NRXN1: variants seen among roughly 807,000 people sequenced by gnomAD.
NRXN1 encodes neurexin-1.
NRXN1 carries 39 observed loss-of-function variants against 150.9 expected under a neutral mutation model. The observed-to-expected ratio is 0.26, with a 90% CI of 0.20 to 0.34. The LOEUF is 0.34. Ranked by LOEUF, NRXN1 falls within the 10% of genes least tolerant of loss-of-function variation. The pLI is 1.00. For synonymous variants in NRXN1, 924 were observed against 757.0 expected (o/e 1.22, Z -3.62); for missense variants, 1,815 against 1,949.9 (o/e 0.93, Z 1.30).
chr2:50,473,526 T>C (rs533202241), intron 15 of NRXN1, among the ~76,000 whole-genome samples: 1 of 152,188 alleles, frequency 6.6e-6, no homozygotes, highest in South Asian at 2.1e-4. Flanking sequence ...AATATGCTGC[T>C]ATAGCTCCAG....
At chr2:49,936,102 C>G (rs1383721758) in intron 22 of NRXN1, among the ~76,000 whole-genome samples, 1 of 152,226 alleles carries the variant, frequency 6.6e-6, no homozygotes, top group African/African-American at 2.4e-5. Context: ...CACTACTGAA[C>G]AGAGTTTTCT....
chr2:50,540,222 C>T (rs1462891656), intron 9 of NRXN1, among the ~76,000 whole-genome samples: 2 of 151,972 alleles, frequency 1.3e-5, no homozygotes, highest in African/African-American at 4.8e-5. Context: ...ATGAGGGGAG[C>T]AAAATAGAGA....
At chr2:50,511,824 G>A (rs2092463426) in intron 12 of NRXN1, among the ~76,000 whole-genome samples, 1 of 151,958 alleles carries the variant, frequency 6.6e-6, no homozygotes, top group African/African-American at 2.4e-5. Flanking sequence ...GTAGATTTTT[G>A]GCCATTTTAG....
intron 8 of NRXN1, among the ~76,000 whole-genome samples, chr2:50,595,259 T>C (rs2103862868): frequency 6.6e-6 from 1 of 152,170 alleles, no homozygotes; most frequent in South Asian, 2.1e-4. Context: ...AGAAAACATA[T>C]TCTGGGTTTT....
intron 2 of NRXN1, among the ~76,000 whole-genome samples, chr2:50,986,581 A>T (rs1697748057): frequency 6.6e-6 from 1 of 151,724 alleles, no homozygotes; most frequent in African/African-American, 2.4e-5. Flanking sequence ...TATCTAATAA[A>T]TTTTAAAAAG....
intron 18 of NRXN1, among the ~76,000 whole-genome samples, chr2:50,234,134 T>C (rs2065205545): frequency 6.6e-6 from 1 of 152,076 alleles, no homozygotes; most frequent in Non-Finnish European, 1.5e-5. Context: ...GGGAAAGTGC[T>C]GGAGGTAAAC....
intron 21 of NRXN1, among the ~76,000 whole-genome samples, chr2:50,042,271 C>T (rs1363298530): frequency 3.9e-5 from 6 of 152,040 alleles, no homozygotes; most frequent in Admixed American, 3.9e-4. Context: ...TCCCATAATC[C>T]CCATGTGCCA....
chr2:50,381,325 C>T (rs1403718821), intron 17 of NRXN1, among the ~76,000 whole-genome samples: 1 of 151,776 alleles, frequency 6.6e-6, no homozygotes, highest in East Asian at 1.9e-4. Flanking sequence ...GTGGTTTCAT[C>T]TTATATTGTG....
chr2:51,001,054 G>T (rs1300722481), intron 2 of NRXN1, among the ~76,000 whole-genome samples: 3 of 152,090 alleles, frequency 2.0e-5, no homozygotes, highest in East Asian at 1.9e-4. Context: ...TGTGGTGAAG[G>T]CTAAAGAGAA....
chr2:50,619,850 A>T (rs750902157), intron 8 of NRXN1, 172 bp downstream of exon 8: 1 of 488,608 alleles, frequency 2.0e-6, no homozygotes, highest in Non-Finnish European at 3.6e-6. Flanking sequence ...CTTCATAATG[A>T]TCTATGAGCT....
chr2:50,189,171 G>A (rs1387861997), intron 18 of NRXN1, among the ~76,000 whole-genome samples: 3 of 152,136 alleles, frequency 2.0e-5, no homozygotes. Flanking sequence ...TATACACAAT[G>A]GAATACTATG....
At chr2:50,273,770 A>T (rs977958241) in intron 17 of NRXN1, among the ~76,000 whole-genome samples, 3 of 152,134 alleles carry the variant, frequency 2.0e-5, no homozygotes, top group African/African-American at 7.2e-5. Flanking sequence ...AAAACATATG[A>T]AAAAAAGCTC....
intron 19 of NRXN1, among the ~76,000 whole-genome samples, chr2:50,060,719 A>G (rs1694395739): frequency 6.6e-6 from 1 of 152,200 alleles, no homozygotes; most frequent in Admixed American, 6.5e-5. Context: ...AAGTGTCATG[A>G]GACCTCATGG....
At chr2:50,181,176 T>C (rs1341278134) in intron 18 of NRXN1, among the ~76,000 whole-genome samples, 1 of 152,084 alleles carries the variant, frequency 6.6e-6, no homozygotes, top group Non-Finnish European at 1.5e-5. Flanking sequence ...CATGATGATA[T>C]TTACTAAAGG....
intron 17 of NRXN1, among the ~76,000 whole-genome samples, chr2:50,299,410 ATT>A (rs34923830): frequency 2.7e-4 from 37 of 134,682 alleles, no homozygotes; most frequent in African/African-American, 8.0e-4. Context: ...TCATTGTCCA[ATT>A]TTTTTTTTTT....
Position 50,347,022 on chromosome 2 carries a change from G to A in NRXN1, c.3365-110052C>T. 7.2e-7 allele frequency: 1 copy of A among 1,381,418 alleles called. No individual in the cohort carries two copies. The allele number at this position is 1,381,418 out of a possible 1,614,324, so 85.6% of individuals were successfully genotyped here. On this transcript the variant is annotated intron_variant, in intron 17 of 22. Transcript: ENST00000401669. The surrounding 1 kb of genome is among the most constrained non-coding windows in gnomAD (Gnocchi z 4.9). ...GGCGCGGGGAGAGGAGAGGGCGCAG[G>A]GGAGCGGGCGGCGCGGAGTGGGCTG...
chr2:50,199,537 TACACAC>T lies in NRXN1; in HGVS notation c.3546+37246_3546+37251del, dbSNP rs67959182. Among the ~76,000 whole-genome samples the T allele has an allele frequency of 5.4e-5, 8 of 149,324 alleles. 1 individual carries two copies. The South Asian group carries it at 6.4e-4, about 12-fold the overall frequency. On this transcript the variant is annotated intron_variant, in intron 18 of 22. Coordinates refer to ENST00000401669, the MANE Select transcript of NRXN1 (RefSeq NM_001330078.2). ...TCTCTTACTCATTCTCTCTTTCTTA[TACACAC>T]ACACACACACACACACACACACACA... is the stretch of plus-strand genomic sequence containing the variant.
chr2:50,819,549 T>A (rs1368329079), intron 5 of NRXN1, among the ~76,000 whole-genome samples: 1 of 152,042 alleles, frequency 6.6e-6, no homozygotes, highest in Non-Finnish European at 1.5e-5. Flanking sequence ...AGGGAGTTGC[T>A]GTTCAATGGG....
intron 9 of NRXN1, among the ~76,000 whole-genome samples, chr2:50,543,286 A>G (rs1312810958): frequency 6.6e-6 from 1 of 152,064 alleles, no homozygotes; most frequent in Non-Finnish European, 1.5e-5. Flanking sequence ...TTATGTAAAC[A>G]TTGTTACATT....
Sources: gnomAD v4.1 joint callset for allele counts (sites outside exome capture counted in the v4.1 genomes callset) on GRCh38, gnomAD v4.1.1 for gene constraint, Gnocchi (gnomAD v3.1) non-coding constraint, MANE v1.5 for transcripts, NCBI Gene and HGNC (gene_info 2026-07-23, HGNC 2026-07-21) for gene names.